The following KIF20B variants were observed in gnomAD, a reference collection of about 807,000 sequenced individuals.
The protein encoded by KIF20B is kinesin-like protein KIF20B.
A neutral mutation model predicts 232.5 loss-of-function variants in KIF20B; 188 were observed. The ratio of observed to expected loss-of-function variants is 0.81; its 90% confidence interval spans 0.72 to 0.91. The LOEUF is 0.91. Ranked by LOEUF, KIF20B falls within the 40% of genes least tolerant of loss-of-function variation. KIF20B has a pLI of 0.00. For missense variants in KIF20B, 2,154 were observed against 2,055.9 expected, an observed-to-expected ratio of 1.05 and a Z score of -0.92; for synonymous variants, 712 against 683.0, an observed-to-expected ratio of 1.04 and a Z score of -0.66.
chr10:89,730,695 T>G (rs1010601051), intron 18 of KIF20B, among the ~76,000 whole-genome samples: 1 of 152,084 alleles, frequency 6.6e-6, no homozygotes, highest in Admixed American at 6.5e-5. Flanking sequence ...ATTTGTTGTT[T>G]AGGAAGAAAG....
At chr10:89,733,234 C>A in intron 19 of KIF20B, 178 bp downstream of exon 19, 1 of 553,016 alleles carries the variant, frequency 1.8e-6, no homozygotes, top group Non-Finnish European at 3.2e-6. Flanking sequence ...ATAGTTAAAG[C>A]TTTTATCTTA....
chr10:89,718,580 A>G, intron 11 of KIF20B, 130 bp from the exon 12 acceptor site: 1 of 696,886 alleles, frequency 1.4e-6, no homozygotes, highest in Non-Finnish European at 2.5e-6. Flanking sequence ...ATTACATCTG[A>G]AACTAATCAC....
At chr10:89,758,926 A>C (rs1589880837) in intron 27 of KIF20B, 44 bp downstream of exon 27, 1 of 1,192,798 alleles carries the variant, frequency 8.4e-7, no homozygotes, top group East Asian at 2.7e-5. Context: ...GAACATAGTA[A>C]TTACTTAATT....
At chr10:89,730,380 A>C (rs1843291996) in intron 18 of KIF20B, among the ~76,000 whole-genome samples, 1 of 152,218 alleles carries the variant, frequency 6.6e-6, no homozygotes, top group South Asian at 2.1e-4. Context: ...GATTAATAAA[A>C]TCTACTACCC....
At position 89,738,145 on chromosome 10, in the gene KIF20B, C is replaced by CTGAAAG; in HGVS notation, c.3305_3306insGAAAGT (p.Lys1103_Glu1104insValLys). The CTGAAAG allele has an allele frequency of 1.2e-6, 2 of 1,608,602 alleles. No homozygotes were observed. The highest frequency in any genetic ancestry group is 2.2e-5 in the South Asian group (2 of 90,896). ...AGGCTATAAGGATGAAAACAATAGA[C>CTGAAAG]TAAAGGAGAAGGAGCATAAAAACCA... On this transcript the variant is annotated inframe_insertion, in exon 20 of 33. Transcript: ENST00000371728.
intron 28 of KIF20B, among the ~76,000 whole-genome samples, chr10:89,761,478 TAAAA>T (rs71471138): frequency 7.0e-6 from 1 of 143,772 alleles, no homozygotes; most frequent in Non-Finnish European, 1.5e-5. Context: ...GGAAAAGTCT[TAAAA>T]AAAAAAAAAA....
At position 89,735,655 on chromosome 10, in the gene KIF20B, AGCCTCCCGACTAGCTGGGATTACAGGC is replaced by A. The variant is rs1360100168; in HGVS notation, c.2546-1728_2546-1702del. On this transcript the variant is annotated intron_variant, in intron 19 of 32. Transcript: ENST00000371728. The stretch of plus-strand genomic sequence containing the variant: ...TGGGTTCAAGCCATTCTCCTGGCTC[AGCCTCCCGACTAGCTGGGATTACAGGC>A]GCCCACCACCACACCCATCTAATTT... Among the ~76,000 whole-genome samples the A allele has an allele frequency of 2.7e-5, 4 of 148,902 alleles. No individual in the cohort carries two copies. In the East Asian group the frequency reaches 7.9e-4, roughly 30 times the overall value.
At chr10:89,718,362 T>A (rs1359061176) in intron 11 of KIF20B, among the ~76,000 whole-genome samples, 7 of 151,826 alleles carry the variant, frequency 4.6e-5, no homozygotes, top group Non-Finnish European at 1.0e-4. Context: ...AATAAAAAAA[T>A]TAACCAGGTG....
Position 89,716,548 on chromosome 10 carries a change from G to T in KIF20B, c.1052+1G>T. Reference sequence around the variant, plus strand: ...AATTGAATAATGCTTCCAGTAGAAGGTAAAGAATAAACTCTGTAAGAGTAA... The same window carrying T: ...AATTGAATAATGCTTCCAGTAGAAGTTAAAGAATAAACTCTGTAAGAGTAA... On this transcript the variant is annotated splice_donor_variant, in intron 9 of 32. Transcript: ENST00000371728. LOFTEE classifies it high-confidence loss of function. 7.2e-7 allele frequency: 1 copy of T among 1,394,324 alleles called. No homozygotes were observed. Among genetic ancestry groups the T allele is most frequent in the South Asian group, 1.2e-5 (1 of 82,460 alleles). 86.4% of individuals were successfully genotyped at this position (1,394,324 alleles called of 1,614,324 possible).
At chr10:89,757,040 G>GTGTGTGTA (rs1301847520) in intron 26 of KIF20B, among the ~76,000 whole-genome samples, 109 of 110,742 alleles carry the variant, frequency 9.8e-4, no homozygotes, top group African/African-American at 1.8e-3. Context: ...GTGTGTGTGT[G>GTGTGTGTA]TATATATATA....
intron 15 of KIF20B, among the ~76,000 whole-genome samples, chr10:89,726,005 T>C (rs1035133440): frequency 4.6e-5 from 7 of 152,348 alleles, no homozygotes; most frequent in East Asian, 1.9e-4. Context: ...AGTCTCATTA[T>C]ATAATTGAAA....
intron 2 of KIF20B, among the ~76,000 whole-genome samples, chr10:89,707,313 G>A (rs2133080169): frequency 6.6e-6 from 1 of 152,126 alleles, no homozygotes; most frequent in Admixed American, 6.5e-5. Context: ...TTTCCTTGAG[G>A]CTCCTTGTAA....
At chr10:89,722,996 A>G (rs528659448) in intron 13 of KIF20B, among the ~76,000 whole-genome samples, 5 of 152,270 alleles carry the variant, frequency 3.3e-5, no homozygotes, top group South Asian at 2.1e-4. Flanking sequence ...CCATAATTAA[A>G]CCAATCCTTT....
chr10:89,722,681 TAAATA>T (rs1392598457), intron 13 of KIF20B, among the ~76,000 whole-genome samples: 16 of 152,016 alleles, frequency 1.1e-4, no homozygotes, highest in East Asian at 1.9e-4. Flanking sequence ...AAAAAATAAA[TAAATA>T]AAATAAACAA....
intron 19 of KIF20B, among the ~76,000 whole-genome samples, chr10:89,734,969 C>G (rs1841616635): frequency 6.6e-6 from 1 of 152,170 alleles, no homozygotes; most frequent in South Asian, 2.1e-4. Context: ...TAAAATACAT[C>G]CCAGACTTAC....
intron 25 of KIF20B, 35 bp downstream of exon 25, chr10:89,752,726 A>G: frequency 7.1e-7 from 1 of 1,408,174 alleles, no homozygotes; most frequent in Non-Finnish European, 9.5e-7. Context: ...GTATGAATGT[A>G]TCTGTCTTCA....
At chr10:89,715,889 G>GCCT (rs1243274003) in intron 8 of KIF20B, among the ~76,000 whole-genome samples, 2 of 146,242 alleles carry the variant, frequency 1.4e-5, no homozygotes, top group Non-Finnish European at 3.1e-5. Flanking sequence ...TACTCAGGAG[G>GCCT]CTGAGGCAGG....
intron 29 of KIF20B, among the ~76,000 whole-genome samples, chr10:89,763,869 ATTAT>A (rs1043074895): frequency 3.4e-4 from 49 of 143,752 alleles, no homozygotes; most frequent in African/African-American, 9.2e-4. Context: ...TATTAATAGT[ATTAT>A]TTATTTATAT....
At position 89,737,265 on chromosome 10, in the gene KIF20B, T is replaced by A. The variant is rs1589866561; in HGVS notation, c.2546-122T>A. ...TTTTTTTCTCAACAGCTTATTTCAT[T>A]TTTTTTTTTTAATTAGAAGTTTACT... On this transcript the variant is annotated intron_variant, in intron 19 of 32. Transcript: ENST00000371728. 7 of 563,312 alleles carry A rather than the reference T, an allele frequency of 1.2e-5. 1 individual carries two copies. Among genetic ancestry groups the A allele is most frequent in the Non-Finnish European group, 1.5e-5 (7 of 456,040 alleles). 34.9% of individuals were successfully genotyped at this position (563,312 alleles called of 1,614,324 possible).
Sources: gnomAD v4.1 joint callset for allele counts (sites outside exome capture counted in the v4.1 genomes callset) on GRCh38, gnomAD v4.1.1 for gene constraint, MANE v1.5 for transcripts, NCBI Gene and HGNC (gene_info 2026-07-23, HGNC 2026-07-21) for gene names.